TMEM74: variants seen among roughly 807,000 people sequenced by gnomAD.
The protein encoded by TMEM74 is transmembrane protein 74.
In TMEM74, 13 loss-of-function variants were observed where a neutral mutation model predicts 18.1. The ratio of observed to expected loss-of-function variants is 0.72; its 90% CI spans 0.47 to 1.14. The LOEUF (loss-of-function observed/expected upper bound fraction) is 1.14. Among genes scored for constraint, TMEM74 ranks in the 50% most tolerant of loss-of-function variants. The pLI is 0.00. For missense variants in TMEM74, 372 were observed against 375.9 expected (o/e 0.99, Z 0.09); for synonymous variants, 159 against 146.6 (o/e 1.08, Z -0.61).
chr8:108,706,570 A>G (rs1047629151), intron 1 of TMEM74, among the ~76,000 whole-genome samples: 3 of 152,182 alleles, frequency 2.0e-5, no homozygotes, highest in African/African-American at 7.2e-5. Context: ...TTAATAGGTT[A>G]TTTTGGACCT....
intron 1 of TMEM74, among the ~76,000 whole-genome samples, chr8:108,694,868 A>T (rs1813265205): frequency 6.6e-6 from 1 of 152,208 alleles, no homozygotes; most frequent in Non-Finnish European, 1.5e-5. Context: ...ATAGTTGTGG[A>T]GTGGGCGAAG....
At chr8:108,611,386 G>A (rs1331146546) in intron 2 of TMEM74, among the ~76,000 whole-genome samples, 4 of 152,188 alleles carry the variant, frequency 2.6e-5, no homozygotes, top group East Asian at 1.9e-4. Flanking sequence ...AACAAGTCAT[G>A]TAAAATATCT....
At chr8:108,756,436 C>T (rs1052305507) in intron 1 of TMEM74, among the ~76,000 whole-genome samples, 7 of 151,216 alleles carry the variant, frequency 4.6e-5, no homozygotes, top group Non-Finnish European at 8.8e-5. Context: ...ACACCACTGT[C>T]TCTTACGCTC....
At chr8:108,665,492 T>C (rs543890275) in intron 1 of TMEM74, among the ~76,000 whole-genome samples, 1 of 152,268 alleles carries the variant, frequency 6.6e-6, no homozygotes, top group East Asian at 1.9e-4. Flanking sequence ...AGGAAGGTTT[T>C]ATTTCCAAAG....
chr8:108,707,266 A>T (rs1016220801), intron 1 of TMEM74, among the ~76,000 whole-genome samples: 9 of 151,910 alleles, frequency 5.9e-5, no homozygotes, highest in African/African-American at 2.2e-4. Context: ...GCAAACCAAC[A>T]TGGCACATGT....
At chr8:108,750,160 C>T (rs1275834866) in intron 1 of TMEM74, among the ~76,000 whole-genome samples, 1 of 152,116 alleles carries the variant, frequency 6.6e-6, no homozygotes, top group Non-Finnish European at 1.5e-5. Context: ...CCAGGTCTCA[C>T]TCTGAGAATC....
At chr8:108,635,710 T>G (rs1812600706) in intron 2 of TMEM74, among the ~76,000 whole-genome samples, 1 of 152,054 alleles carries the variant, frequency 6.6e-6, no homozygotes, top group African/African-American at 2.4e-5. Flanking sequence ...TACGTCCCTT[T>G]TCATGAAGAT....
intron 2 of TMEM74, among the ~76,000 whole-genome samples, chr8:108,627,078 G>A (rs2935775): frequency 0.22 from 33,136 of 151,844 alleles, 3,645 homozygotes; most frequent in East Asian, 0.27. Context: ...AATTCAAAAT[G>A]TTTACCACTC....
intron 1 of TMEM74, among the ~76,000 whole-genome samples, chr8:108,751,411 A>C (rs1813903468): frequency 6.6e-6 from 1 of 152,144 alleles, no homozygotes; most frequent in Non-Finnish European, 1.5e-5. Context: ...AAGGAATTTG[A>C]ATCCTGGCTC....
chr8:108,733,905 C>A (rs1813719947), intron 1 of TMEM74, among the ~76,000 whole-genome samples: 2 of 152,208 alleles, frequency 1.3e-5, no homozygotes, highest in Non-Finnish European at 2.9e-5. Context: ...CATCAAGCAT[C>A]ATCGCATTTG....
intron 1 of TMEM74, among the ~76,000 whole-genome samples, chr8:108,730,013 A>G (rs954652398): frequency 3.9e-5 from 6 of 152,224 alleles, no homozygotes; most frequent in Non-Finnish European, 7.3e-5. Flanking sequence ...GTTTTCAAAG[A>G]GTCCCAGCGG....
intron 2 of TMEM74, among the ~76,000 whole-genome samples, chr8:108,612,795 C>G (rs1475434959): frequency 6.6e-6 from 1 of 152,170 alleles, no homozygotes; most frequent in African/African-American, 2.4e-5. Flanking sequence ...GCTCTAGTTT[C>G]TTCTTCAAGT....
intron 1 of TMEM74, among the ~76,000 whole-genome samples, chr8:108,771,752 T>A (rs1452106805): frequency 1.3e-5 from 2 of 152,170 alleles, no homozygotes; most frequent in Non-Finnish European, 2.9e-5. Context: ...TTCCTTTTTT[T>A]AGCTAATTCA....
intron 1 of TMEM74, among the ~76,000 whole-genome samples, chr8:108,663,161 C>G (rs183192989): frequency 6.6e-6 from 1 of 152,080 alleles, no homozygotes; most frequent in East Asian, 1.9e-4. Context: ...AGACAGCCTG[C>G]AGAGGAAGAG....
At chr8:108,618,146 C>G (rs181385206) in intron 2 of TMEM74, among the ~76,000 whole-genome samples, 1 of 152,168 alleles carries the variant, frequency 6.6e-6, no homozygotes, top group Non-Finnish European at 1.5e-5. Context: ...CCTTTTATGC[C>G]TATTGCCTTT....
At chr8:108,771,747 T>C (rs1163454304) in intron 1 of TMEM74, among the ~76,000 whole-genome samples, 1 of 152,142 alleles carries the variant, frequency 6.6e-6, no homozygotes, top group African/African-American at 2.4e-5. Flanking sequence ...GGTATTTCCT[T>C]TTTTTAGCTA....
Position 108,784,075 on chromosome 8 carries a change from A to C in TMEM74, c.*106T>G, listed in dbSNP as rs374672541. ...CTTACTGGCTGTTGGTTTGTGAAAT[A>C]AACTTTTCTTGCCAGGCAAATAAAT... On this transcript the variant is annotated 3_prime_UTR_variant, in exon 2 of 2. Transcript: ENST00000297459. The C allele has an allele frequency of 2.5e-4, 260 of 1,024,366 alleles. 1 individual carries two copies. In the Middle Eastern group the frequency reaches 0.011, roughly 41 times the overall value. 63.5% of individuals were successfully genotyped at this position (1,024,366 alleles called of 1,614,324 possible).
In TMEM74 at chr8:108,787,460, A is replaced by C. The variant is rs927398793; in HGVS notation, c.-40+16T>G. The C allele has an allele frequency of 6.7e-6, 1 of 149,492 alleles. No individual in the cohort carries two copies. Among genetic ancestry groups the C allele is most frequent in the Non-Finnish European group, 1.5e-5 (1 of 67,354 alleles). 9.3% of individuals were successfully genotyped at this position (149,492 alleles called of 1,614,324 possible). ...GCATTCAAAGCCTCCACCCCATCCCACTCCCCGCCACTCACCTTCTGCTTC... is the reference window on the plus strand; with the variant it reads ...GCATTCAAAGCCTCCACCCCATCCCCCTCCCCGCCACTCACCTTCTGCTTC... On this transcript the variant is annotated intron_variant, in intron 1 of 1. Transcript: ENST00000297459.
chr8:108,625,968 A>G (rs1812489246), intron 2 of TMEM74, among the ~76,000 whole-genome samples: 5 of 152,042 alleles, frequency 3.3e-5, no homozygotes, highest in African/African-American at 9.7e-5. Context: ...TAATCAGTGT[A>G]TAATTGAATC....
Sources: allele counts gnomAD v4.1 joint callset (sites outside exome capture counted in the v4.1 genomes callset), GRCh38; gene constraint gnomAD v4.1.1; transcripts MANE v1.5; gene names NCBI Gene and HGNC (gene_info 2026-07-23, HGNC 2026-07-21).